UBE2G1: variants seen among roughly 807,000 people sequenced by gnomAD.
The protein encoded by UBE2G1 is ubiquitin-conjugating enzyme E2 G1.
A neutral mutation model predicts 22.7 loss-of-function variants in UBE2G1; 5 were observed. That is an observed-to-expected ratio of 0.22 (90% CI 0.12 to 0.46). The LOEUF (loss-of-function observed/expected upper bound fraction) is 0.46, where lower values mean the gene tolerates loss of function less well. Among genes scored for constraint, UBE2G1 ranks in the 20% least tolerant of loss-of-function variants. The probability of loss-of-function intolerance (pLI) is 0.99; values close to 1 mark genes in which losing one functional copy is unlikely to be tolerated. For missense variants in UBE2G1, 88 were observed against 203.9 expected (o/e 0.43, Z 3.46); for synonymous variants, 74 against 67.5 (o/e 1.10, Z -0.47).
At chr17:4,301,936 G>T in intron 2 of UBE2G1, 1 of 481,790 alleles carries the variant, frequency 2.1e-6, no homozygotes, top group South Asian at 1.6e-5. Flanking sequence ...TCACACTTAA[G>T]ATTGGGGGTA....
intron 1 of UBE2G1, among the ~76,000 whole-genome samples, chr17:4,333,859 G>A (rs973643607): frequency 2.6e-5 from 4 of 151,660 alleles, no homozygotes; most frequent in Non-Finnish European, 4.4e-5. Flanking sequence ...TGCCTAATTC[G>A]CAGTCAAAGT....
chr17:4,366,362 T>C lies in UBE2G1; in HGVS notation c.-46A>G, dbSNP rs1970035549. 2.0e-6 allele frequency: 3 copies of C among 1,495,328 alleles called. No individual in the cohort carries two copies. Among genetic ancestry groups the C allele is most frequent in the African/African-American group, 2.9e-5 (2 of 68,902 alleles). 92.6% of individuals were successfully genotyped at this position (1,495,328 alleles called of 1,614,324 possible). On this transcript the variant is annotated 5_prime_UTR_variant, in exon 1 of 6. Transcript: ENST00000396981. ...GCTGGCGCCGGGGCTTCCGAAGGGCTGGGGACAGGCTCTGGGGGCGGCTGG... is the reference window on the plus strand; with the variant it reads ...GCTGGCGCCGGGGCTTCCGAAGGGCCGGGGACAGGCTCTGGGGGCGGCTGG...
chr17:4,349,730 C>T (rs561050773), intron 1 of UBE2G1, among the ~76,000 whole-genome samples: 26 of 151,802 alleles, frequency 1.7e-4, no homozygotes, highest in African/African-American at 4.8e-4. Context: ...GTAGTCCCAG[C>T]TACTCGGGAG....
chr17:4,351,387 C>A (rs1401733157), intron 1 of UBE2G1, among the ~76,000 whole-genome samples: 1 of 152,180 alleles, frequency 6.6e-6, no homozygotes, highest in African/African-American at 2.4e-5. Flanking sequence ...CAACACAATA[C>A]CCTCGTCTGT....
chr17:4,316,446 TA>T (rs1001156175), intron 1 of UBE2G1, among the ~76,000 whole-genome samples: 2 of 152,230 alleles, frequency 1.3e-5, no homozygotes, highest in African/African-American at 2.4e-5. Flanking sequence ...CCTTAAAACA[TA>T]AAAATGCCAC....
intron 1 of UBE2G1, among the ~76,000 whole-genome samples, chr17:4,325,331 T>C (rs923473431): frequency 1.3e-5 from 2 of 152,196 alleles, no homozygotes; most frequent in African/African-American, 4.8e-5. Context: ...TCTATTTCAG[T>C]AGTTTTAAAA....
At chr17:4,357,043 C>T (rs1222258130) in intron 1 of UBE2G1, among the ~76,000 whole-genome samples, 1 of 152,106 alleles carries the variant, frequency 6.6e-6, no homozygotes, top group East Asian at 1.9e-4. Flanking sequence ...TGGTGCAATC[C>T]ATATACTTTA....
intron 1 of UBE2G1, among the ~76,000 whole-genome samples, chr17:4,363,768 C>T (rs1969995717): frequency 6.6e-6 from 1 of 151,478 alleles, no homozygotes; most frequent in African/African-American, 2.4e-5. Context: ...CTGGCTAACA[C>T]AGTGAAACCC....
chr17:4,332,709 C>T lies in UBE2G1; in HGVS notation c.47-25586G>A, dbSNP rs575881112. On this transcript the variant is annotated intron_variant, in intron 1 of 5. Transcript: ENST00000396981. ...AGGGGCTTTAACCAGCATCTCTCTC[C>T]AACCTTCAGCTAACCGCTCTGCCAC... 1.4e-3 allele frequency among the ~76,000 whole-genome samples: 211 copies of T among 152,328 alleles called. 1 individual carries two copies. The highest frequency in any genetic ancestry group is 4.8e-3 in the African/African-American group (198 of 41,566).
intron 5 of UBE2G1, among the ~76,000 whole-genome samples, chr17:4,281,581 G>A (rs1367898075): frequency 2.0e-5 from 3 of 152,120 alleles, no homozygotes; most frequent in Non-Finnish European, 2.9e-5. Context: ...TAAATATCAC[G>A]AATAGGTCTT....
intron 1 of UBE2G1, among the ~76,000 whole-genome samples, chr17:4,363,535 G>C (rs1969992392): frequency 6.6e-6 from 1 of 152,166 alleles, no homozygotes; most frequent in African/African-American, 2.4e-5. Context: ...TCTAGAGCTG[G>C]TTCACAAACG....
intron 1 of UBE2G1, among the ~76,000 whole-genome samples, chr17:4,315,557 C>A (rs372361355): frequency 6.6e-6 from 1 of 151,362 alleles, no homozygotes; most frequent in Non-Finnish European, 1.5e-5. Flanking sequence ...TGGCTAACAC[C>A]GTGAAACCCC....
chr17:4,339,533 AC>A (rs1366477021), intron 1 of UBE2G1, among the ~76,000 whole-genome samples: 2 of 151,944 alleles, frequency 1.3e-5, no homozygotes, highest in Non-Finnish European at 2.9e-5. Flanking sequence ...TAAACTCCTT[AC>A]CCTCAGATGA....
At chr17:4,359,864 A>C (rs538321935) in intron 1 of UBE2G1, among the ~76,000 whole-genome samples, 70 of 150,978 alleles carry the variant, frequency 4.6e-4, no homozygotes, top group East Asian at 7.7e-4. Flanking sequence ...AAAAAAAAAA[A>C]AAACAAACAA....
intron 1 of UBE2G1, among the ~76,000 whole-genome samples, chr17:4,338,366 G>A (rs1029108425): frequency 2.0e-5 from 3 of 152,048 alleles, no homozygotes; most frequent in African/African-American, 4.8e-5. Context: ...TTTAAACACA[G>A]ATACAATGGA....
intron 1 of UBE2G1, among the ~76,000 whole-genome samples, chr17:4,332,680 G>C (rs12453940): frequency 6.6e-6 from 1 of 151,550 alleles, no homozygotes. Context: ...TCCCTCCAGC[G>C]TTCAGGGGCT....
chr17:4,304,381 A>T (rs1375703859), intron 2 of UBE2G1, among the ~76,000 whole-genome samples: 3 of 152,166 alleles, frequency 2.0e-5, no homozygotes, highest in Non-Finnish European at 2.9e-5. Flanking sequence ...ACTGTTTGAT[A>T]ATCAGTCTGA....
intron 1 of UBE2G1, among the ~76,000 whole-genome samples, chr17:4,312,084 C>A (rs576948410): frequency 3.4e-4 from 52 of 151,978 alleles, no homozygotes; most frequent in Admixed American, 1.3e-3. Flanking sequence ...CTCATCTCCA[C>A]TAAAAATACA....
intron 1 of UBE2G1, among the ~76,000 whole-genome samples, chr17:4,365,908 C>G (rs1034087313): frequency 1.3e-5 from 2 of 152,042 alleles, no homozygotes; most frequent in South Asian, 4.1e-4. Flanking sequence ...CCGGCGGCCC[C>G]GGCAGCACCT....
Sources: allele counts gnomAD v4.1 joint callset (sites outside exome capture counted in the v4.1 genomes callset), GRCh38; gene constraint gnomAD v4.1.1; transcripts MANE v1.5; gene names NCBI Gene and HGNC (gene_info 2026-07-23, HGNC 2026-07-21).